The following ARHGAP42 variants were observed in gnomAD, a reference collection of about 807,000 sequenced individuals.
ARHGAP42 encodes rho GTPase-activating protein 42.
Under a neutral mutation model 125.0 loss-of-function variants are expected in ARHGAP42, and 63 were observed. The observed-to-expected ratio is 0.50, with a 90% CI of 0.41 to 0.62. ARHGAP42 has a LOEUF of 0.62. Ranked by LOEUF, ARHGAP42 falls within the 20% of genes least tolerant of loss-of-function variation. ARHGAP42 has a pLI of 0.00. For synonymous variants in ARHGAP42, 339 were observed against 351.0 expected (o/e 0.97, Z 0.38); for missense variants, 766 against 1,024.2 (o/e 0.75, Z 3.44).
intron 2 of ARHGAP42, among the ~76,000 whole-genome samples, chr11:100,782,462 G>A (rs12793572): frequency 6.6e-6 from 1 of 152,282 alleles, no homozygotes; most frequent in East Asian, 1.9e-4. Flanking sequence ...GAGTTAGGAG[G>A]CAGAATATAG....
intron 1 of ARHGAP42, among the ~76,000 whole-genome samples, chr11:100,735,602 CTTTTTTTTTTT>C (rs58522622): frequency 2.7e-5 from 2 of 73,048 alleles, no homozygotes; most frequent in Admixed American, 4.3e-4. Context: ...TTTACTTGTA[CTTTTTTTTTTT>C]TTTTTTTTTT....
At chr11:100,697,009 A>G (rs1299363333) in intron 1 of ARHGAP42, among the ~76,000 whole-genome samples, 4 of 148,772 alleles carry the variant, frequency 2.7e-5, no homozygotes, top group Non-Finnish European at 6.0e-5. Flanking sequence ...GGTAACATGT[A>G]AAAAAAAAAT....
intron 22 of ARHGAP42, among the ~76,000 whole-genome samples, chr11:100,983,451 C>T (rs1858594916): frequency 6.6e-6 from 1 of 152,116 alleles, no homozygotes; most frequent in South Asian, 2.1e-4. Context: ...TCTATCTCCC[C>T]TCCACAGGTT....
chr11:100,746,360 ATTTG>A (rs879576075), intron 1 of ARHGAP42, among the ~76,000 whole-genome samples: 1 of 152,158 alleles, frequency 6.6e-6, no homozygotes, highest in Non-Finnish European at 1.5e-5. Flanking sequence ...CATTGGCACG[ATTTG>A]TTACCCCAGG....
In ARHGAP42 at chr11:100,921,372, C is replaced by T. The variant is rs1867263706; in HGVS notation, c.487-122C>T. The T allele has an allele frequency of 6.1e-6, 4 of 660,996 alleles. No homozygotes were observed. In the East Asian group the frequency reaches 1.2e-4, roughly 20 times the overall value. 40.9% of individuals were successfully genotyped at this position (660,996 alleles called of 1,614,324 possible). On this transcript the variant is annotated intron_variant, in intron 5 of 23. Coordinates refer to ENST00000298815, the MANE Select transcript of ARHGAP42 (RefSeq NM_152432.4). ...CACTATAAGCTCCTGTAGGCAAGGA[C>T]TATAATAAGTGCTGTGTTAAACTTT...
At chr11:100,952,090 T>C (rs977250612) in intron 12 of ARHGAP42, among the ~76,000 whole-genome samples, 2 of 152,206 alleles carry the variant, frequency 1.3e-5, no homozygotes, top group African/African-American at 4.8e-5. Context: ...TTTTTAAGTT[T>C]TATTTTTAAT....
intron 1 of ARHGAP42, among the ~76,000 whole-genome samples, chr11:100,747,394 T>G (rs1378574656): frequency 2.0e-5 from 3 of 152,246 alleles, no homozygotes; most frequent in African/African-American, 7.2e-5. Context: ...AATAAAACCT[T>G]GTAGACATAT....
Position 100,711,404 on chromosome 11 carries a change from G to A in ARHGAP42, c.154+23572G>A, listed in dbSNP as rs949529013. Among the ~76,000 whole-genome samples the A allele has an allele frequency of 3.9e-5, 6 of 152,152 alleles. No individual in the cohort carries two copies. In the South Asian group the frequency reaches 6.2e-4, roughly 16 times the overall value. ...GACAAGGTCTCTGTCGCCCATGCTG[G>A]AGTGCAGTGGTGAGATCTTGGCTCA... On this transcript the variant is annotated intron_variant, in intron 1 of 23. Coordinates refer to ENST00000298815, the MANE Select transcript of ARHGAP42 (RefSeq NM_152432.4).
intron 12 of ARHGAP42, among the ~76,000 whole-genome samples, chr11:100,954,373 T>C (rs905610481): frequency 1.3e-5 from 2 of 152,180 alleles, no homozygotes; most frequent in Non-Finnish European, 2.9e-5. Context: ...TTTATGTGTG[T>C]AATGACAAAG....
At chr11:100,872,518 C>T (rs929448739) in intron 4 of ARHGAP42, among the ~76,000 whole-genome samples, 7 of 152,126 alleles carry the variant, frequency 4.6e-5, no homozygotes, top group Admixed American at 2.0e-4. Flanking sequence ...GCCTCAGCTT[C>T]CCAAGTAGCT....
intron 17 of ARHGAP42, among the ~76,000 whole-genome samples, chr11:100,969,993 C>CTT (rs369679671): frequency 1.2e-4 from 18 of 147,632 alleles, no homozygotes; most frequent in Non-Finnish European, 2.1e-4. Context: ...TGTTTAGTGT[C>CTT]TTTTTTTTTT....
At chr11:100,964,984 A>T (rs973716570) in intron 16 of ARHGAP42, among the ~76,000 whole-genome samples, 18 of 152,066 alleles carry the variant, frequency 1.2e-4, no homozygotes, top group African/African-American at 4.1e-4. Context: ...GGTTTAATTG[A>T]CTCACAGTTC....
intron 3 of ARHGAP42, among the ~76,000 whole-genome samples, chr11:100,828,761 C>T (rs1864591751): frequency 6.6e-6 from 1 of 151,142 alleles, no homozygotes; most frequent in Non-Finnish European, 1.5e-5. Flanking sequence ...GATCCTAGCT[C>T]GCTGCAGCCT....
At chr11:100,944,575 C>T (rs12417367) in intron 10 of ARHGAP42, among the ~76,000 whole-genome samples, 1 of 151,716 alleles carries the variant, frequency 6.6e-6, no homozygotes, top group East Asian at 1.9e-4. Context: ...TAGCTACAGG[C>T]ATACCTCAGA....
At chr11:100,725,763 C>A (rs935638563) in intron 1 of ARHGAP42, among the ~76,000 whole-genome samples, 1 of 151,788 alleles carries the variant, frequency 6.6e-6, no homozygotes, top group Non-Finnish European at 1.5e-5. Context: ...CAGTGAAACC[C>A]CCTCTGTAAA....
Position 100,988,899 on chromosome 11 carries a change from G to C in ARHGAP42, c.*98G>C, listed in dbSNP as rs1050456172. The C allele has an allele frequency of 2.0e-5, 16 of 794,120 alleles. No individual in the cohort carries two copies. Among genetic ancestry groups the C allele is most frequent in the Middle Eastern group, 3.9e-4 (1 of 2,590 alleles). The allele number at this position is 794,120 out of a possible 1,614,324, so 49.2% of individuals were successfully genotyped here. On this transcript the variant is annotated 3_prime_UTR_variant, in exon 24 of 24. Transcript: ENST00000298815. ...AGATACACGGGGATCAGCCCACTAA[G>C]TGAAAACAGTCAATTTCTATCAAGT...
intron 4 of ARHGAP42, among the ~76,000 whole-genome samples, chr11:100,911,174 C>T (rs954711377): frequency 3.3e-5 from 5 of 152,160 alleles, no homozygotes; most frequent in African/African-American, 1.2e-4. Context: ...TGAGTTAGGA[C>T]TGTTTGTACA....
intron 1 of ARHGAP42, among the ~76,000 whole-genome samples, chr11:100,697,988 A>G (rs1318753471): frequency 2.0e-5 from 3 of 152,230 alleles, no homozygotes; most frequent in African/African-American, 7.2e-5. Flanking sequence ...CTGTAATACT[A>G]GAGAATCAAA....
intron 1 of ARHGAP42, among the ~76,000 whole-genome samples, chr11:100,737,463 A>G (rs1862090187): frequency 6.6e-6 from 1 of 152,168 alleles, no homozygotes; most frequent in Admixed American, 6.5e-5. Flanking sequence ...TATCATTATC[A>G]CTATATGAGG....
Sources: allele counts gnomAD v4.1 joint callset (sites outside exome capture counted in the v4.1 genomes callset), GRCh38; gene constraint gnomAD v4.1.1; transcripts MANE v1.5; gene names NCBI Gene and HGNC (gene_info 2026-07-23, HGNC 2026-07-21).